ARHGEF28: variants seen among roughly 807,000 people sequenced by gnomAD.
The protein encoded by ARHGEF28 is 190 kDa guanine nucleotide exchange factor.
ARHGEF28 carries 152 observed loss-of-function variants against 206.6 expected under a neutral mutation model. That is an observed-to-expected ratio of 0.74 (90% CI 0.64 to 0.84). The LOEUF (loss-of-function observed/expected upper bound fraction) is 0.84. ARHGEF28 is among the 40% of genes least tolerant of loss of function. The pLI, the probability that ARHGEF28 is intolerant of heterozygous loss-of-function variation, is 0.00. For synonymous variants in ARHGEF28, 763 were observed against 776.4 expected, an observed-to-expected ratio of 0.98 and a Z score of 0.29; for missense variants, 2,028 against 2,073.2, an observed-to-expected ratio of 0.98 and a Z score of 0.42.
intron 1 of ARHGEF28, among the ~76,000 whole-genome samples, chr5:73,654,745 A>G (rs926010968): frequency 6.6e-6 from 1 of 152,228 alleles, no homozygotes; most frequent in African/African-American, 2.4e-5. Flanking sequence ...ATCCAGATAC[A>G]GATTCATCAT....
intron 4 of ARHGEF28, among the ~76,000 whole-genome samples, chr5:73,756,303 G>A (rs1413418508): frequency 1.3e-5 from 2 of 152,188 alleles, no homozygotes; most frequent in Non-Finnish European, 2.9e-5. Context: ...TATGTGCATA[G>A]GTAGAAAGCA....
rs565256714 is a variant in ARHGEF28, at chr5:73,681,630, CAT to C, written c.-11-3209_-11-3208del. On this transcript the variant is annotated intron_variant, in intron 1 of 35. Transcript: ENST00000513042. ...AGGAGTTGGAGACAATCCTGGCCAA[CAT>C]AGTGAACCTTGTCTCTCCTAAAAAA... Among the ~76,000 whole-genome samples, 118 of 151,992 alleles carry C rather than the reference CAT, an allele frequency of 7.8e-4. No homozygotes were observed. In the South Asian group the frequency reaches 0.012, roughly 16 times the overall value.
intron 2 of ARHGEF28, among the ~76,000 whole-genome samples, chr5:73,742,095 A>G (rs28822093): frequency 0.23 from 35,408 of 152,054 alleles, 4,619 homozygotes; most frequent in Non-Finnish European, 0.3. Flanking sequence ...GTGTTGCTTT[A>G]AAATCTGCTT....
chr5:73,638,025 A>G (rs1743837193), intron 1 of ARHGEF28, among the ~76,000 whole-genome samples: 1 of 152,232 alleles, frequency 6.6e-6, no homozygotes, highest in Non-Finnish European at 1.5e-5. Flanking sequence ...AGTGAATTTA[A>G]GAAATTGATG....
rs1759128850 is a variant in ARHGEF28 at position 73,857,596 on chromosome 5, C to T, written c.1791-60C>T. The T allele has an allele frequency of 2.0e-6, 3 of 1,499,298 alleles. No individual in the cohort carries two copies. In the African/African-American group the frequency reaches 4.2e-5, roughly 21 times the overall value. The allele number at this position is 1,499,298 out of a possible 1,614,324, so 92.9% of individuals were successfully genotyped here. A position where few individuals can be genotyped will look rare whatever the true frequency, so the allele number is the denominator to read the frequency against. ...ACACACACACACACACATACACACA[C>T]ACGTATATGCTATTCTTCCTAAGTC... On this transcript the variant is annotated intron_variant, in intron 14 of 35. Coordinates refer to ENST00000513042, the MANE Select transcript of ARHGEF28 (RefSeq NM_001177693.2).
chr5:73,823,814 G>A (rs868169857), intron 9 of ARHGEF28, among the ~76,000 whole-genome samples: 35 of 152,326 alleles, frequency 2.3e-4, no homozygotes, highest in African/African-American at 7.0e-4. Flanking sequence ...ACATAGCAGA[G>A]TGTCTGCAGA....
intron 14 of ARHGEF28, among the ~76,000 whole-genome samples, chr5:73,853,984 T>G (rs9637822): frequency 0.13 from 19,233 of 152,202 alleles, 1,679 homozygotes; most frequent in African/African-American, 0.23. Flanking sequence ...GATGGCATCT[T>G]TATGAAGTTT....
chr5:73,677,066 T>A (rs77861975), intron 1 of ARHGEF28, among the ~76,000 whole-genome samples: 3,697 of 152,318 alleles, frequency 0.024, 177 homozygotes, highest in African/African-American at 0.085. Context: ...ACAAACAGTA[T>A]ACACAAAATC....
intron 35 of ARHGEF28, among the ~76,000 whole-genome samples, chr5:73,926,563 C>T (rs966254463): frequency 1.8e-4 from 27 of 152,190 alleles, no homozygotes; most frequent in African/African-American, 6.0e-4. Context: ...TACTTTGTGA[C>T]ATCTTGCATT....
At chr5:73,802,870 C>CTCTGTGTGTGTGTG (rs780935234) in intron 9 of ARHGEF28, among the ~76,000 whole-genome samples, 3 of 122,226 alleles carry the variant, frequency 2.5e-5, no homozygotes, top group South Asian at 3.0e-4. Flanking sequence ...AGCTCGATTG[C>CTCTGTGTGTGTGTG]TGTGTGTGTG....
In ARHGEF28 at chr5:73,885,940, A is replaced by C. The variant is rs1761257572; in HGVS notation, c.3146A>C (p.Glu1049Ala). Residue 1049 changes from glutamate to alanine, a missense_variant, in exon 25 of 36, where the codon GAG (glutamate) becomes GCG (alanine). This residue lies in a region of ARHGEF28 where 223 missense variants were observed against 289.9 expected (regional missense o/e 0.77). Transcript: ENST00000513042. ...ATVDLKVNEY[E>A]KNQKWLEILN... ...GTGGATTTAAAAGTCAATGAATATGAGAAAAACCAAAAATGGCTTGAGATC... is the reference window on the plus strand; with the variant it reads ...GTGGATTTAAAAGTCAATGAATATGCGAAAAACCAAAAATGGCTTGAGATC... 1 of 1,613,580 alleles carries C rather than the reference A, an allele frequency of 6.2e-7. No individual in the cohort carries two copies. The highest frequency in any genetic ancestry group is 8.5e-7 in the Non-Finnish European group (1 of 1,179,752).
intron 2 of ARHGEF28, among the ~76,000 whole-genome samples, chr5:73,745,951 T>C (rs1481898647): frequency 6.6e-6 from 1 of 152,098 alleles, no homozygotes; most frequent in Non-Finnish European, 1.5e-5. Flanking sequence ...TAGACTTTTA[T>C]GAAAGTGAGC....
At chr5:73,879,799 G>A (rs1276675856) in intron 22 of ARHGEF28, among the ~76,000 whole-genome samples, 1 of 152,170 alleles carries the variant, frequency 6.6e-6, no homozygotes, top group East Asian at 1.9e-4. Context: ...TTGTCTCAGA[G>A]GAGTACCTGG....
chr5:73,681,154 A>T (rs1186165042), intron 1 of ARHGEF28, among the ~76,000 whole-genome samples: 1 of 150,970 alleles, frequency 6.6e-6, no homozygotes, highest in Non-Finnish European at 1.5e-5. Flanking sequence ...ACAAAAATAC[A>T]TAAGGATCTT....
chr5:73,730,751 G>A (rs796949659), intron 2 of ARHGEF28, among the ~76,000 whole-genome samples: 32 of 152,066 alleles, frequency 2.1e-4, no homozygotes, highest in African/African-American at 7.5e-4. Flanking sequence ...GCACAGGTTG[G>A]AACTGTTTTG....
intron 10 of ARHGEF28, 27 bp from the exon 11 acceptor site, chr5:73,840,453 A>G: frequency 6.2e-7 from 1 of 1,603,450 alleles, no homozygotes; most frequent in South Asian, 1.1e-5. Flanking sequence ...GCTTTTACTC[A>G]GGAAATGTTT....
At chr5:73,801,541 C>T (rs1468265788) in intron 9 of ARHGEF28, among the ~76,000 whole-genome samples, 1 of 152,152 alleles carries the variant, frequency 6.6e-6, no homozygotes, top group Non-Finnish European at 1.5e-5. Context: ...GAAGCTGACC[C>T]TCTTGGCTGT....
intron 16 of ARHGEF28, among the ~76,000 whole-genome samples, 168 bp from the exon 17 acceptor site, chr5:73,864,649 G>C (rs1247586998): frequency 6.6e-6 from 1 of 152,188 alleles, no homozygotes; most frequent in African/African-American, 2.4e-5. Flanking sequence ...TGCTTGAGTG[G>C]TGAGGATACA....
At chr5:73,651,931 C>G (rs1664736746) in intron 1 of ARHGEF28, among the ~76,000 whole-genome samples, 1 of 152,176 alleles carries the variant, frequency 6.6e-6, no homozygotes, top group South Asian at 2.1e-4. Flanking sequence ...AGCTACCATG[C>G]TCTGTTGTTT....
Sources: allele counts gnomAD v4.1 joint callset (sites outside exome capture counted in the v4.1 genomes callset), GRCh38; gene constraint gnomAD v4.1.1; regional missense constraint gnomAD v4.1.1; transcripts MANE v1.5; gene names NCBI Gene and HGNC (gene_info 2026-07-23, HGNC 2026-07-21).